The following TUSC3 variants were observed in gnomAD, a reference collection of about 807,000 sequenced individuals.
The protein encoded by TUSC3 is tumor suppressor candidate 3.
A neutral mutation model predicts 44.8 loss-of-function variants in TUSC3; 45 were observed. That is an observed-to-expected ratio of 1.00 (90% confidence interval 0.79 to 1.29). The LOEUF (loss-of-function observed/expected upper bound fraction) is 1.29. Among genes scored for constraint, TUSC3 ranks in the 50% most tolerant of loss-of-function variants. The pLI is 0.00. For synonymous variants in TUSC3, 212 were observed against 152.9 expected (o/e 1.39, Z -2.85); for missense variants, 519 against 437.9 (o/e 1.19, Z -1.65).
intron 6 of TUSC3, among the ~76,000 whole-genome samples, chr8:15,718,553 T>G (rs1033470157): frequency 1.4e-4 from 21 of 152,106 alleles, no homozygotes; most frequent in African/African-American, 4.6e-4. Context: ...ATCTTTCATG[T>G]AAAAGAGCTG....
intron 1 of TUSC3, among the ~76,000 whole-genome samples, chr8:15,573,209 T>C (rs1442886243): frequency 1.2e-5 from 1 of 80,202 alleles, no homozygotes; most frequent in Non-Finnish European, 2.6e-5. Flanking sequence ...TCTCTATATA[T>C]ATATATATAT....
intron 2 of TUSC3, among the ~76,000 whole-genome samples, chr8:15,502,360 T>G (rs949672948): frequency 3.9e-5 from 6 of 152,196 alleles, no homozygotes; most frequent in African/African-American, 1.4e-4. Context: ...TCTATTCACC[T>G]TTTTCAGCCC....
intron 6 of TUSC3, among the ~76,000 whole-genome samples, chr8:15,702,313 C>A (rs1294585795): frequency 6.6e-6 from 1 of 152,128 alleles, no homozygotes; most frequent in Non-Finnish European, 1.5e-5. Context: ...TGAGCCACTT[C>A]TTAAACAATT....
chr8:15,729,111 C>T (rs999794624), intron 6 of TUSC3, among the ~76,000 whole-genome samples: 1 of 152,118 alleles, frequency 6.6e-6, no homozygotes, highest in Non-Finnish European at 1.5e-5. Context: ...AAGTTATTCT[C>T]TAAATTTGTG....
chr8:15,684,650 G>C (rs1003786458), intron 6 of TUSC3, among the ~76,000 whole-genome samples: 1 of 152,186 alleles, frequency 6.6e-6, no homozygotes, highest in Non-Finnish European at 1.5e-5. Context: ...CAGCTCTGAT[G>C]TCAGCACATG....
chr8:15,587,709 C>T (rs1195518150), intron 1 of TUSC3, among the ~76,000 whole-genome samples: 2 of 152,040 alleles, frequency 1.3e-5, no homozygotes, highest in Non-Finnish European at 2.9e-5. Flanking sequence ...TAACCAACCT[C>T]ACCCTATCCT....
chr8:15,472,537 A>G (rs1800508264), intron 1 of TUSC3, among the ~76,000 whole-genome samples: 1 of 152,160 alleles, frequency 6.6e-6, no homozygotes, highest in African/African-American at 2.4e-5. Context: ...TGGTCACCTC[A>G]ATTTCTTCTG....
At chr8:15,830,036 C>G in the TUSC3 span, among the ~76,000 whole-genome samples, 5 of 152,010 alleles carry the variant, frequency 3.3e-5, no homozygotes, top group African/African-American at 9.7e-5. Flanking sequence ...TTGCATTTCT[C>G]TTATGATTAG....
intron 7 of TUSC3, among the ~76,000 whole-genome samples, chr8:15,735,061 G>C (rs1469455844): frequency 6.6e-6 from 1 of 152,188 alleles, no homozygotes; most frequent in African/African-American, 2.4e-5. Context: ...ATGTCTTCTT[G>C]ATAAATTTGG....
chr8:15,478,944 T>G (rs1585059616), intron 1 of TUSC3, among the ~76,000 whole-genome samples: 1 of 152,278 alleles, frequency 6.6e-6, no homozygotes, highest in East Asian at 1.9e-4. Flanking sequence ...CCAGCAACTG[T>G]TGTTTCTTGA....
At chr8:15,785,406 A>C in the TUSC3 span, among the ~76,000 whole-genome samples, 3 of 151,168 alleles carry the variant, frequency 2.0e-5, no homozygotes, top group Non-Finnish European at 4.4e-5. Flanking sequence ...AAATATAAGC[A>C]TTATCATATT....
At chr8:15,711,958 C>T (rs1398091749) in intron 6 of TUSC3, among the ~76,000 whole-genome samples, 1 of 151,900 alleles carries the variant, frequency 6.6e-6, no homozygotes, top group Non-Finnish European at 1.5e-5. Context: ...ACTTTATGAA[C>T]TTCATGAATA....
intron 6 of TUSC3, among the ~76,000 whole-genome samples, chr8:15,692,239 G>T (rs1383619427): frequency 2.6e-5 from 4 of 151,864 alleles, no homozygotes; most frequent in Admixed American, 1.3e-4. Context: ...TTTTGTTGAG[G>T]ATTTTTGGAT....
intron 10 of TUSC3, chr8:15,758,207 A>T: frequency 9.8e-7 from 1 of 1,018,760 alleles, no homozygotes. Context: ...ATGTAGCCAA[A>T]TCTTTTTTCC....
chr8:15,784,990 A>G, the TUSC3 span, among the ~76,000 whole-genome samples: 1 of 150,384 alleles, frequency 6.6e-6, no homozygotes, highest in Non-Finnish European at 1.5e-5. Flanking sequence ...ATGTACAGAA[A>G]CATGACATTG....
the TUSC3 span, among the ~76,000 whole-genome samples, chr8:15,775,627 CAG>C: frequency 1.1e-5 from 1 of 91,122 alleles, no homozygotes; most frequent in East Asian, 3.1e-4. Context: ...TATATATATA[CAG>C]ACACATATAT....
At chr8:15,667,945 A>G (rs1807745528) in intron 5 of TUSC3, among the ~76,000 whole-genome samples, 1 of 151,716 alleles carries the variant, frequency 6.6e-6, no homozygotes, top group South Asian at 2.1e-4. Context: ...ATAGACGGTT[A>G]AAGGAGGATG....
intron 1 of TUSC3, among the ~76,000 whole-genome samples, chr8:15,598,048 T>G (rs1362753324): frequency 6.6e-6 from 1 of 152,054 alleles, no homozygotes; most frequent in Non-Finnish European, 1.5e-5. Flanking sequence ...AGATTCAACG[T>G]AAATAAATGC....
chr8:15,470,077 A>G (rs1023931864), intron 1 of TUSC3, among the ~76,000 whole-genome samples: 1 of 151,442 alleles, frequency 6.6e-6, no homozygotes, highest in Non-Finnish European at 1.5e-5. Context: ...GAAACATAGG[A>G]AAACCTCGTC....
Sources: gnomAD v4.1 joint callset for allele counts (sites outside exome capture counted in the v4.1 genomes callset) on GRCh38, gnomAD v4.1.1 for gene constraint, MANE v1.5 for transcripts, NCBI Gene and HGNC (gene_info 2026-07-23, HGNC 2026-07-21) for gene names.